WDHD1: variants seen among roughly 807,000 people sequenced by gnomAD.
WDHD1 encodes the protein WD repeat and HMG-box DNA-binding protein 1.
A neutral mutation model predicts 135.4 loss-of-function variants in WDHD1; 111 were observed. The observed-to-expected ratio is 0.82, with a 90% CI of 0.70 to 0.96. WDHD1 has a LOEUF of 0.96. WDHD1 is among the 40% of genes least tolerant of loss of function. WDHD1 has a pLI of 0.00. For missense variants in WDHD1, 1,351 were observed against 1,336.3 expected (o/e 1.01, Z -0.17); for synonymous variants, 434 against 439.0 (o/e 0.99, Z 0.14).
intron 24 of WDHD1, among the ~76,000 whole-genome samples, chr14:54,946,308 T>C (rs910843384): frequency 5.3e-5 from 8 of 152,354 alleles, no homozygotes; most frequent in Admixed American, 3.3e-4. Context: ...TGACTCAACC[T>C]TCTGAGTGGC....
intron 24 of WDHD1, among the ~76,000 whole-genome samples, chr14:54,947,727 G>C (rs113259096): frequency 1.3e-5 from 2 of 151,910 alleles, no homozygotes; most frequent in African/African-American, 4.8e-5. Context: ...AAGTAGCTGG[G>C]ATTACAGGCA....
chr14:55,016,276 C>T (rs2042260484), intron 2 of WDHD1, among the ~76,000 whole-genome samples: 1 of 152,128 alleles, frequency 6.6e-6, no homozygotes, highest in Non-Finnish European at 1.5e-5. Flanking sequence ...TGAAAACCAA[C>T]ACAACCCTTT....
intron 10 of WDHD1, among the ~76,000 whole-genome samples, chr14:54,998,127 C>T (rs990769954): frequency 1.3e-5 from 2 of 151,948 alleles, no homozygotes; most frequent in Admixed American, 6.6e-5. Context: ...GCAGGAGAAT[C>T]GCTTCAACCC....
intron 21 of WDHD1, among the ~76,000 whole-genome samples, chr14:54,959,456 G>A (rs2041214217): frequency 1.3e-5 from 2 of 151,796 alleles, no homozygotes; most frequent in South Asian, 4.2e-4. Context: ...AGGCAGGCAG[G>A]CAGGCAGGCA....
intron 24 of WDHD1, among the ~76,000 whole-genome samples, chr14:54,946,852 T>G (rs1205845516): frequency 6.6e-6 from 1 of 152,110 alleles, no homozygotes; most frequent in Non-Finnish European, 1.5e-5. Context: ...GAGACCAGCC[T>G]GGCCAACGTG....
chr14:55,005,470 A>G (rs990281366), intron 7 of WDHD1: 3 of 566,350 alleles, frequency 5.3e-6, no homozygotes, highest in Non-Finnish European at 1.0e-5. Context: ...TGACACTGAC[A>G]TTGAAAGAGT....
At position 55,009,645 on chromosome 14, in the gene WDHD1, T is replaced by C. The variant is rs528701072; in HGVS notation, c.341+664A>G. Among the ~76,000 whole-genome samples the C allele has an allele frequency of 7.9e-5, 12 of 152,214 alleles. No homozygotes were observed. In the East Asian group the frequency reaches 2.3e-3, roughly 29 times the overall value. ...CGAGGTTTCACTGTGTTGGCCAGGC[T>C]GGTCTTGAACTCCTGACCTCAGGTG... On this transcript the variant is annotated intron_variant, in intron 4 of 25. Coordinates refer to ENST00000360586, the MANE Select transcript of WDHD1 (RefSeq NM_007086.4).
rs758964884 is a variant in WDHD1, at chr14:54,984,873, T to A, written c.1769-13A>T. ...TCAAATCCTGTACCTAATGAGAAAATGTAAATATAAATCAGGCATCAAAGG... is the reference window on the plus strand; with the variant it reads ...TCAAATCCTGTACCTAATGAGAAAAAGTAAATATAAATCAGGCATCAAAGG... On this transcript the variant is annotated splice_polypyrimidine_tract_variant and intron_variant, in intron 14 of 25. Coordinates refer to ENST00000360586, the MANE Select transcript of WDHD1 (RefSeq NM_007086.4). 1.9e-6 allele frequency: 3 copies of A among 1,606,972 alleles called. No homozygotes were observed. In the East Asian group the frequency reaches 6.7e-5, roughly 36 times the overall value.
At chr14:54,961,004 A>C (rs1595069100) in intron 21 of WDHD1, among the ~76,000 whole-genome samples, 1 of 152,050 alleles carries the variant, frequency 6.6e-6, no homozygotes, top group Admixed American at 6.6e-5. Context: ...ATAGGGTTTC[A>C]TTGTTTCCAA....
At chr14:55,001,093 A>T in intron 8 of WDHD1, 101 bp from the exon 9 acceptor site, 1 of 756,912 alleles carries the variant, frequency 1.3e-6, no homozygotes, top group Admixed American at 3.6e-5. Flanking sequence ...TTTTTCAAGA[A>T]TTTGGAGGGG....
Position 54,981,692 on chromosome 14 carries a change from G to C in WDHD1, c.1911C>G (p.Thr637=). ...LAWIGFSAEG[T]PCYVDSEGIV... is the part of the protein sequence containing the mutation. ...TTCCTTCTGAATCCACGTAACAAGG[G>C]GTACCTAAACACCAACAGAAAAATC... Residue 637 remains threonine, a synonymous_variant, in exon 16 of 26, where the codon ACC becomes ACG. Coordinates refer to ENST00000360586, the MANE Select transcript of WDHD1 (RefSeq NM_007086.4). 10 of 1,602,858 alleles carry C rather than the reference G, an allele frequency of 6.2e-6. No homozygotes were observed. Among genetic ancestry groups the C allele is most frequent in the Non-Finnish European group, 7.7e-6 (9 of 1,171,386 alleles).
chr14:54,973,845 T>C (rs2041478700), intron 16 of WDHD1, among the ~76,000 whole-genome samples: 1 of 151,926 alleles, frequency 6.6e-6, no homozygotes, highest in Non-Finnish European at 1.5e-5. Context: ...AAGGAAATAC[T>C]GAGTAGGATT....
Position 54,987,401 on chromosome 14 carries a change from C to G in WDHD1, c.1527-14G>C. The G allele has an allele frequency of 6.2e-7, 1 of 1,607,120 alleles. No individual in the cohort carries two copies. The highest frequency in any genetic ancestry group is 8.5e-7 in the Non-Finnish European group (1 of 1,175,656). ...CAGTGAAGCTTGCTAAAAATTAAAACAAGACAGAAACAATCAAACTTTCAT... is the reference window on the plus strand; with the variant it reads ...CAGTGAAGCTTGCTAAAAATTAAAAGAAGACAGAAACAATCAAACTTTCAT... On this transcript the variant is annotated splice_polypyrimidine_tract_variant and intron_variant, in intron 13 of 25. Transcript: ENST00000360586.
chr14:54,984,609 TAG>T (rs2041668567), intron 15 of WDHD1, 112 bp downstream of exon 15: 1 of 907,540 alleles, frequency 1.1e-6, no homozygotes, highest in Non-Finnish European at 1.5e-6. Flanking sequence ...AAATATAAAA[TAG>T]AGATAATTTA....
At chr14:55,002,206 C>A in intron 7 of WDHD1, 21 bp from the exon 8 acceptor site, 1 of 1,494,406 alleles carries the variant, frequency 6.7e-7, no homozygotes, top group Non-Finnish European at 9.1e-7. Context: ...AGATAAACAA[C>A]GTAAACAAAA....
chr14:54,992,437 C>CCGAGAT (rs2041807930), intron 11 of WDHD1, among the ~76,000 whole-genome samples: 1 of 152,170 alleles, frequency 6.6e-6, no homozygotes, highest in South Asian at 2.1e-4. Flanking sequence ...TTGCAGTGAA[C>CCGAGAT]CGAGATCGTG....
intron 7 of WDHD1, 77 bp downstream of exon 7, chr14:55,007,203 G>T: frequency 8.5e-7 from 1 of 1,169,606 alleles, no homozygotes; most frequent in Non-Finnish European, 1.2e-6. Flanking sequence ...ACTCCAGCAT[G>T]GGAGACAGAG....
chr14:54,964,050 G>A (rs1291812506), intron 18 of WDHD1, among the ~76,000 whole-genome samples: 1 of 152,184 alleles, frequency 6.6e-6, no homozygotes, highest in Non-Finnish European at 1.5e-5. Flanking sequence ...TGAGGCTGCA[G>A]TGAGTTACAA....
At chr14:54,949,213 G>A (rs957335328) in intron 24 of WDHD1, among the ~76,000 whole-genome samples, 1 of 152,152 alleles carries the variant, frequency 6.6e-6, no homozygotes, top group Non-Finnish European at 1.5e-5. Flanking sequence ...CGAGCTAAAG[G>A]AGGAAGTTCG....
Sources: allele counts gnomAD v4.1 joint callset (sites outside exome capture counted in the v4.1 genomes callset), GRCh38; gene constraint gnomAD v4.1.1; transcripts MANE v1.5; gene names NCBI Gene and HGNC (gene_info 2026-07-23, HGNC 2026-07-21).